GAPVD1: variants seen among roughly 807,000 people sequenced by gnomAD.
The protein encoded by GAPVD1 is GTPase-activating protein and VPS9 domain-containing protein 1.
Under a neutral mutation model 155.5 loss-of-function variants are expected in GAPVD1, and 35 were observed. That is an observed-to-expected ratio of 0.23 (90% CI 0.17 to 0.30). The LOEUF is 0.30. Among genes scored for constraint, GAPVD1 ranks in the 10% least tolerant of loss-of-function variants. GAPVD1 has a pLI of 1.00. For synonymous variants in GAPVD1, 636 were observed against 619.7 expected (o/e 1.03, Z -0.39); for missense variants, 1,429 against 1,775.7 (o/e 0.80, Z 3.51).
Position 125,300,037 on chromosome 9 carries a change from AAATATATATAT to A in GAPVD1, c.185+933_185+943del, listed in dbSNP as rs1419048547. On this transcript the variant is annotated intron_variant, in intron 4 of 27. Coordinates refer to ENST00000297933, the MANE Select transcript of GAPVD1 (RefSeq NM_001282680.3). ...CTGTCTCAAAAGAAAAAAAAAAAAA[AAATATATATAT>A]ATATATATATATATATATATATATA... 5.0e-4 allele frequency among the ~76,000 whole-genome samples: 16 copies of A among 32,002 alleles called. 5 individuals carry two copies. The highest frequency in any genetic ancestry group is 9.6e-4 in the African/African-American group (7 of 7,296). The allele number at this position is 32,002 out of a possible 152,430, so 21.0% of individuals were successfully genotyped here. A position where few individuals can be genotyped will look rare whatever the true frequency, so the allele number is the denominator to read the frequency against.
intron 23 of GAPVD1, among the ~76,000 whole-genome samples, chr9:125,353,303 C>G (rs1366571558): frequency 6.6e-6 from 1 of 152,168 alleles, no homozygotes. Context: ...GCACCAGTTC[C>G]CAACAAGTTC....
At chr9:125,327,257 G>A (rs1464771920) in intron 12 of GAPVD1, among the ~76,000 whole-genome samples, 1 of 151,174 alleles carries the variant, frequency 6.6e-6, no homozygotes, top group Non-Finnish European at 1.5e-5. Flanking sequence ...GCTCCTTTTT[G>A]GATACTGTTT....
intron 15 of GAPVD1, among the ~76,000 whole-genome samples, chr9:125,334,213 A>G (rs1400316991): frequency 6.6e-6 from 1 of 151,204 alleles, no homozygotes; most frequent in Non-Finnish European, 1.5e-5. Flanking sequence ...AGTGGATAAA[A>G]TTTGCTGGGG....
intron 4 of GAPVD1, 82 bp downstream of exon 4, chr9:125,299,188 CTG>C (rs1588750263): frequency 1.4e-6 from 1 of 701,134 alleles, no homozygotes; most frequent in East Asian, 2.7e-5. Context: ...ATAAATGAAT[CTG>C]TTTCCAACAA....
intron 17 of GAPVD1, 43 bp from the exon 18 acceptor site, chr9:125,341,134 C>A (rs749302681): frequency 4.3e-6 from 4 of 923,398 alleles, no homozygotes. Flanking sequence ...AGTAATTTAT[C>A]CTGCTATCCA....
At chr9:125,332,161 G>C in intron 14 of GAPVD1, 101 bp downstream of exon 14, 2 of 1,166,714 alleles carry the variant, frequency 1.7e-6, no homozygotes, top group Non-Finnish European at 2.4e-6. Context: ...ATATTTAAGA[G>C]CTGAGTAATT....
intron 23 of GAPVD1, 152 bp from the exon 24 acceptor site, chr9:125,354,502 T>C (rs1019132775): frequency 3.8e-6 from 2 of 527,646 alleles, no homozygotes; most frequent in South Asian, 6.4e-5. Flanking sequence ...ACATGCTACT[T>C]TGTATATGTG....
Position 125,337,201 on chromosome 9 carries a change from C to CT in GAPVD1, c.2507-13dup, listed in dbSNP as rs780679928. The CT allele has an allele frequency of 2.5e-6, 4 of 1,612,322 alleles. No individual in the cohort carries two copies. The East Asian group carries it at 6.7e-5, about 27-fold the overall frequency. ...GATATGTTGTGTCTCAGTTACAAAA[C>CT]TTTTTTTCCTGTGTTGCAGGGGCTT... On this transcript the variant is annotated intron_variant, in intron 16 of 27. Coordinates refer to ENST00000297933, the MANE Select transcript of GAPVD1 (RefSeq NM_001282680.3).
At chr9:125,269,050 T>A (rs530055634) in intron 2 of GAPVD1, 66 bp downstream of exon 2, 1 of 152,180 alleles carries the variant, frequency 6.6e-6, no homozygotes, top group East Asian at 1.9e-4. Context: ...GCTACAAATT[T>A]TTAAGTTTTA....
chr9:125,302,181 T>C lies in GAPVD1; in HGVS notation c.384T>C (p.Val128=). The C allele has an allele frequency of 1.2e-6, 2 of 1,613,902 alleles. No homozygotes were observed. Among genetic ancestry groups the C allele is most frequent in the Non-Finnish European group, 1.7e-6 (2 of 1,179,854 alleles). The change falls in exon 5 of 28, where the codon GTT becomes GTC. Residue 128 remains valine, a synonymous_variant. Transcript: ENST00000297933. ...EKLNQENTQS[V]IYTVFTSLYG... is the part of the protein sequence containing the mutation. Reference sequence around the variant, plus strand: ...TTAATCAGGAGAACACACAAAGTGTTATTTACACAGTTTTTACCTCCCTGT... The same window carrying C: ...TTAATCAGGAGAACACACAAAGTGTCATTTACACAGTTTTTACCTCCCTGT...
intron 3 of GAPVD1, among the ~76,000 whole-genome samples, chr9:125,296,196 T>A (rs1839822496): frequency 6.6e-6 from 1 of 151,258 alleles, no homozygotes; most frequent in Non-Finnish European, 1.5e-5. Flanking sequence ...TTTTTTTTTT[T>A]GAGAGAGAGT....
intron 1 of GAPVD1, among the ~76,000 whole-genome samples, chr9:125,267,125 C>T (rs1834105003): frequency 6.6e-6 from 1 of 152,180 alleles, no homozygotes; most frequent in African/African-American, 2.4e-5. Context: ...TGTAAGCCTA[C>T]AGAAGGGTTG....
In GAPVD1 at chr9:125,355,735, A is replaced by G; in HGVS notation, c.3849A>G (p.Ile1283Met). The G allele has an allele frequency of 6.2e-7, 1 of 1,613,306 alleles. No individual in the cohort carries two copies. The highest frequency in any genetic ancestry group is 8.5e-7 in the Non-Finnish European group (1 of 1,179,212). ...FLYGAMAQDVIWQNASEEQLQ... is the reference protein window; with the variant it reads ...FLYGAMAQDVMWQNASEEQLQ... The stretch of plus-strand genomic sequence containing the variant: ...ATGGTGCAATGGCCCAGGATGTCAT[A>G]TGGCAAAACGCGAGTGAAGAACAGC... Residue 1283 changes from isoleucine (I) to methionine (M), a missense_variant, in exon 25 of 28, where the codon ATA becomes ATG. Transcript: ENST00000297933.
At position 125,279,051 on chromosome 9, in the gene GAPVD1, A is replaced by G. The variant is rs552798513; in HGVS notation, c.-150+10067A>G. On this transcript the variant is annotated intron_variant, in intron 2 of 27. Transcript: ENST00000297933. ...ATATGGTGAAACCCCGTATCTACTG[A>G]AAATACAGAAATTAGCCAGGTGTGG... 3.3e-5 allele frequency among the ~76,000 whole-genome samples: 5 copies of G among 151,818 alleles called. No individual in the cohort carries two copies. In the East Asian group the frequency reaches 9.7e-4, roughly 30 times the overall value.
rs1221891298 is a variant in GAPVD1, at chr9:125,350,698, G to A, written c.3410-15G>A. 3.5e-6 allele frequency: 5 copies of A among 1,428,802 alleles called. No individual in the cohort carries two copies. In the South Asian group the frequency reaches 3.6e-5, roughly 10 times the overall value. 88.5% of individuals were successfully genotyped at this position (1,428,802 alleles called of 1,614,324 possible). A position where few individuals can be genotyped will look rare whatever the true frequency, so the allele number is the denominator to read the frequency against. The stretch of plus-strand genomic sequence containing the variant: ...AATTCTCAAGAATAACAGAATTCTT[G>A]TATCTTTTATTTAGACAATGAAATT... On this transcript the variant is annotated splice_polypyrimidine_tract_variant and intron_variant, in intron 22 of 27. Transcript: ENST00000297933.
At chr9:125,280,599 A>G (rs1340052701) in intron 2 of GAPVD1, among the ~76,000 whole-genome samples, 1 of 142,168 alleles carries the variant, frequency 7.0e-6, no homozygotes, top group African/African-American at 2.6e-5. Flanking sequence ...TTTTTGAGTC[A>G]GAGTCTCACT....
At chr9:125,303,478 TAA>T (rs1260066444) in intron 5 of GAPVD1, among the ~76,000 whole-genome samples, 5 of 122,106 alleles carry the variant, frequency 4.1e-5, no homozygotes, top group Admixed American at 1.9e-4. Context: ...CCATATCTAT[TAA>T]AAAAAAAAAA....
At chr9:125,345,924 A>G (rs1289009008) in intron 19 of GAPVD1, 1 of 152,176 alleles carries the variant, frequency 6.6e-6, no homozygotes, top group African/African-American at 2.4e-5. Context: ...ATGTGTTTGT[A>G]TAATTTTTAG....
rs1316213561 is a variant in GAPVD1 at position 125,321,530 on chromosome 9, T to G, written c.1700T>G (p.Leu567Arg). 1 of 1,613,756 alleles carries G rather than the reference T, an allele frequency of 6.2e-7. No homozygotes were observed. The highest frequency in any genetic ancestry group is 8.5e-7 in the Non-Finnish European group (1 of 1,179,734). ...CCTGATAAAACCTTGCGCTTTTCCC[T>G]CTGCAGTGATAATCTGGAAGGAATA... ...GKPDKTLRFSLCSDNLEGISE... is the reference protein window; with the variant it reads ...GKPDKTLRFSRCSDNLEGISE... Residue 567 changes from leucine (L) to arginine (R), a missense_variant, in exon 10 of 28, where the codon CTC (leucine) becomes CGC (arginine). By Grantham distance (102) the Leu-to-Arg change is moderately radical. Transcript: ENST00000297933.
Sources: gnomAD v4.1 joint callset for allele counts (sites outside exome capture counted in the v4.1 genomes callset) on GRCh38, gnomAD v4.1.1 for gene constraint, MANE v1.5 for transcripts, NCBI Gene and HGNC (gene_info 2026-07-23, HGNC 2026-07-21) for gene names.